The following TANGO6 variants were observed in gnomAD, a reference collection of about 807,000 sequenced individuals.
TANGO6 encodes the protein transport and golgi organization 6 homolog, also known as transport and Golgi organization protein 6 homolog.
TANGO6 carries 90 observed loss-of-function variants against 114.2 expected under a neutral mutation model. That is an observed-to-expected ratio of 0.79 (90% confidence interval 0.66 to 0.94). The LOEUF is 0.94. Among genes scored for constraint, TANGO6 ranks in the 40% least tolerant of loss-of-function variants. TANGO6 has a pLI of 0.00. For missense variants in TANGO6, 1,274 were observed against 1,315.3 expected, an observed-to-expected ratio of 0.97 and a Z score of 0.49; for synonymous variants, 477 against 509.8, an observed-to-expected ratio of 0.94 and a Z score of 0.87.
chr16:68,970,185 TAAGA>T (rs1963688448), intron 14 of TANGO6, among the ~76,000 whole-genome samples: 1 of 151,634 alleles, frequency 6.6e-6, no homozygotes, highest in Non-Finnish European at 1.5e-5. Context: ...AGACTGAGAG[TAAGA>T]AAGGGATATT....
At chr16:68,876,834 CA>C (rs1315346131) in intron 5 of TANGO6, among the ~76,000 whole-genome samples, 1 of 151,986 alleles carries the variant, frequency 6.6e-6, no homozygotes, top group East Asian at 1.9e-4. Context: ...AGAAAAACAA[CA>C]AAAAACACAG....
rs1037464839 is a variant in TANGO6, at chr16:69,084,175, C to T, written c.*514C>T. On this transcript the variant is annotated 3_prime_UTR_variant, in exon 18 of 18. Coordinates refer to ENST00000261778, the MANE Select transcript of TANGO6 (RefSeq NM_024562.2). ...GTGGGGAGGGGAAGGAAATAGTTATCAAATAATGCAAAATGGAATAAAGTT... is the reference window on the plus strand; with the variant it reads ...GTGGGGAGGGGAAGGAAATAGTTATTAAATAATGCAAAATGGAATAAAGTT... 6.6e-6 allele frequency: 1 copy of T among 152,456 alleles called. No individual in the cohort carries two copies. Among genetic ancestry groups the T allele is most frequent in the Non-Finnish European group, 1.5e-5 (1 of 68,178 alleles). 9.4% of individuals were successfully genotyped at this position (152,456 alleles called of 1,614,324 possible).
intron 17 of TANGO6, among the ~76,000 whole-genome samples, chr16:69,058,425 A>G (rs1052216677): frequency 6.6e-6 from 1 of 152,218 alleles, no homozygotes; most frequent in African/African-American, 2.4e-5. Context: ...TGTGAGAGAC[A>G]TATGCTTATT....
intron 3 of TANGO6, among the ~76,000 whole-genome samples, chr16:68,865,189 T>C (rs775304364): frequency 6.6e-6 from 1 of 151,754 alleles, no homozygotes; most frequent in African/African-American, 2.4e-5. Context: ...AGGCAAAGAA[T>C]TGCTTGAACC....
chr16:69,030,377 A>G (rs1959574683), intron 16 of TANGO6, among the ~76,000 whole-genome samples: 1 of 151,986 alleles, frequency 6.6e-6, no homozygotes, highest in Non-Finnish European at 1.5e-5. Context: ...GTCCTGGAGG[A>G]AGAAATCCTT....
chr16:69,052,593 A>G (rs1959969396), intron 17 of TANGO6, among the ~76,000 whole-genome samples: 1 of 151,848 alleles, frequency 6.6e-6, no homozygotes, highest in Non-Finnish European at 1.5e-5. Context: ...TTGACCTCCT[A>G]GTATGTATAA....
chr16:68,962,517 C>A (rs545460890), intron 14 of TANGO6, among the ~76,000 whole-genome samples: 1 of 152,230 alleles, frequency 6.6e-6, no homozygotes, highest in East Asian at 1.9e-4. Context: ...TGAACATAGT[C>A]TTTAAAGAGT....
At chr16:68,861,005 A>G (rs775249081) in intron 2 of TANGO6, among the ~76,000 whole-genome samples, 8 of 152,132 alleles carry the variant, frequency 5.3e-5, no homozygotes, top group Non-Finnish European at 1.0e-4. Context: ...GTCAATGTTC[A>G]TTGTTATTAT....
chr16:69,051,537 A>G (rs1959948370), intron 17 of TANGO6, among the ~76,000 whole-genome samples: 1 of 152,048 alleles, frequency 6.6e-6, no homozygotes, highest in Non-Finnish European at 1.5e-5. Flanking sequence ...ACAAAAATTA[A>G]CTGGGTGTGG....
chr16:68,854,644 G>T (rs1961957177), intron 1 of TANGO6, among the ~76,000 whole-genome samples: 2 of 148,756 alleles, frequency 1.3e-5, no homozygotes. Flanking sequence ...TTCCCCATGT[G>T]GATATCCAGT....
intron 17 of TANGO6, among the ~76,000 whole-genome samples, chr16:69,058,481 TC>T (rs1960067148): frequency 6.6e-6 from 1 of 152,212 alleles, no homozygotes; most frequent in Non-Finnish European, 1.5e-5. Flanking sequence ...AGGTTTACAT[TC>T]GGATGCCACA....
chr16:68,912,911 C>CAA (rs554300938), intron 11 of TANGO6, among the ~76,000 whole-genome samples: 4 of 81,866 alleles, frequency 4.9e-5, no homozygotes, highest in Admixed American at 1.4e-4. Context: ...CCCCATCTCT[C>CAA]AAAAAAAAAA....
chr16:69,038,775 A>G (rs1206549587), intron 16 of TANGO6, among the ~76,000 whole-genome samples: 3 of 151,874 alleles, frequency 2.0e-5, no homozygotes, highest in East Asian at 3.9e-4. Flanking sequence ...AGGCACAGTA[A>G]CTCATGCCTG....
chr16:68,984,365 G>C (rs917085173), intron 15 of TANGO6, among the ~76,000 whole-genome samples: 52 of 152,308 alleles, frequency 3.4e-4, no homozygotes, highest in African/African-American at 1.3e-3. Context: ...GGCCAGAATT[G>C]AAGGTTGAAA....
At chr16:69,021,752 G>A (rs565285619) in intron 15 of TANGO6, among the ~76,000 whole-genome samples, 4 of 152,204 alleles carry the variant, frequency 2.6e-5, no homozygotes, top group Admixed American at 2.6e-4. Context: ...TGGGGTCTAG[G>A]GTCTAGCCTG....
intron 5 of TANGO6, among the ~76,000 whole-genome samples, chr16:68,875,769 C>CAAAA (rs5817658): frequency 8.8e-6 from 1 of 113,416 alleles, no homozygotes. Context: ...AACTCCGTCT[C>CAAAA]AAAAAAAAAA....
intron 12 of TANGO6, among the ~76,000 whole-genome samples, chr16:68,919,447 C>G (rs1281829379): frequency 6.6e-6 from 1 of 152,204 alleles, no homozygotes; most frequent in Non-Finnish European, 1.5e-5. Context: ...AGGGCAGGGT[C>G]CTTTCTACCT....
chr16:68,887,178 A>G (rs1962550891), intron 7 of TANGO6, among the ~76,000 whole-genome samples: 1 of 151,998 alleles, frequency 6.6e-6, no homozygotes, highest in African/African-American at 2.4e-5. Context: ...ACCTGTTCCC[A>G]TCTTAGTCTG....
At chr16:69,021,021 C>G (rs939263948) in intron 15 of TANGO6, among the ~76,000 whole-genome samples, 1 of 151,324 alleles carries the variant, frequency 6.6e-6, no homozygotes, top group Non-Finnish European at 1.5e-5. Flanking sequence ...TAGGTTTCTA[C>G]CTTGGACCCT....
Sources: allele counts gnomAD v4.1 joint callset (sites outside exome capture counted in the v4.1 genomes callset), GRCh38; gene constraint gnomAD v4.1.1; transcripts MANE v1.5; gene names NCBI Gene and HGNC (gene_info 2026-07-23, HGNC 2026-07-21).